CALY: variants seen among roughly 807,000 people sequenced by gnomAD.
CALY encodes neuron-specific vesicular protein calcyon.
A neutral mutation model predicts 20.2 loss-of-function variants in CALY; 15 were observed. That is an observed-to-expected ratio of 0.74 (90% CI 0.50 to 1.14). The LOEUF is 1.14. Ranked by LOEUF, CALY falls within the 50% of genes most tolerant of loss-of-function variation. The pLI is 0.00. For missense variants in CALY, 270 were observed against 304.4 expected, an observed-to-expected ratio of 0.89 and a Z score of 0.84; for synonymous variants, 129 against 131.8, an observed-to-expected ratio of 0.98 and a Z score of 0.15.
chr10:133,331,506 A>C (rs1178743676), intron 1 of CALY, among the ~76,000 whole-genome samples: 1 of 152,230 alleles, frequency 6.6e-6, no homozygotes, highest in Non-Finnish European at 1.5e-5. Context: ...AATTTATTGA[A>C]GTACTCAATT....
intron 1 of CALY, among the ~76,000 whole-genome samples, chr10:133,330,350 CAAAAAAAAAAAAAA>C (rs59986083): frequency 1.1e-4 from 4 of 36,782 alleles, no homozygotes; most frequent in African/African-American, 3.1e-4. Context: ...GAAACTCTGC[CAAAAAAAAAAAAAA>C]AAAAAAAAAA....
chr10:133,330,350 C>CAAA (rs59986083), intron 1 of CALY, among the ~76,000 whole-genome samples: 7 of 36,782 alleles, frequency 1.9e-4, no homozygotes, highest in South Asian at 1.5e-3. Flanking sequence ...GAAACTCTGC[C>CAAA]AAAAAAAAAA....
At chr10:133,326,314 T>G in intron 4 of CALY, 194 bp from the exon 5 acceptor site, 1 of 1,535,940 alleles carries the variant, frequency 6.5e-7, no homozygotes, top group Non-Finnish European at 8.8e-7. Context: ...TCGCGCGTTG[T>G]AAGGGGAGGG....
intron 1 of CALY, among the ~76,000 whole-genome samples, chr10:133,335,934 CA>C (rs1482118528): frequency 6.6e-6 from 1 of 152,168 alleles, no homozygotes; most frequent in African/African-American, 2.4e-5. Flanking sequence ...GGCGGGGGTG[CA>C]GGCTCTCAGT....
At chr10:133,328,700 G>A (rs1430902046) in intron 2 of CALY, among the ~76,000 whole-genome samples, 155 bp downstream of exon 2, 7 of 152,212 alleles carry the variant, frequency 4.6e-5, no homozygotes. Context: ...GTCACACAGA[G>A]TGCCCATGGC....
Position 133,324,282 on chromosome 10 carries a change from C to T in CALY, c.*1313G>A. On this transcript the variant is annotated 3_prime_UTR_variant, in exon 6 of 6. Coordinates refer to ENST00000252939, the MANE Select transcript of CALY (RefSeq NM_015722.4). Reference sequence around the variant, plus strand: ...GTGCATGGCCCTGCCTTCCCTGACCCCACCTGGCTGGCTTCCAGCTCACCA... The same window carrying T: ...GTGCATGGCCCTGCCTTCCCTGACCTCACCTGGCTGGCTTCCAGCTCACCA... 2.2e-6 allele frequency: 1 copy of T among 453,062 alleles called. No homozygotes were observed. The highest frequency in any genetic ancestry group is 4.4e-6 in the Non-Finnish European group (1 of 225,436). 28.1% of individuals were successfully genotyped at this position (453,062 alleles called of 1,614,324 possible).
chr10:133,331,808 G>A (rs1223219560), intron 1 of CALY, among the ~76,000 whole-genome samples: 3 of 152,122 alleles, frequency 2.0e-5, no homozygotes, highest in African/African-American at 4.8e-5. Flanking sequence ...AAGGCAGAGG[G>A]GCAGGAACAC....
At chr10:133,326,653 TC>T (rs932270515) in intron 4 of CALY, among the ~76,000 whole-genome samples, 5 of 152,190 alleles carry the variant, frequency 3.3e-5, no homozygotes, top group African/African-American at 1.2e-4. Context: ...TTCTGCCTCA[TC>T]TTTTTACTTA....
At position 133,324,223 on chromosome 10, in the gene CALY, A is replaced by G. The variant is rs1165162051; in HGVS notation, c.*1372T>C. 2.6e-5 allele frequency: 10 copies of G among 389,908 alleles called. No individual in the cohort carries two copies. Among genetic ancestry groups the G allele is most frequent in the Non-Finnish European group, 4.8e-5 (9 of 189,132 alleles). The allele number at this position is 389,908 out of a possible 1,614,324, so 24.2% of individuals were successfully genotyped here. A position where few individuals can be genotyped will look rare whatever the true frequency, so the allele number is the denominator to read the frequency against. On this transcript the variant is annotated 3_prime_UTR_variant, in exon 6 of 6. Coordinates refer to ENST00000252939, the MANE Select transcript of CALY (RefSeq NM_015722.4). ...CTGCGTGTGCTTGTTCATCTGGCCA[A>G]TGCCCTTAGAAGCCCAGCAGTGAAG...
chr10:133,333,291 G>GA (rs1848343323), intron 1 of CALY, among the ~76,000 whole-genome samples: 1 of 35,460 alleles, frequency 2.8e-5, no homozygotes, highest in Non-Finnish European at 6.4e-5. Flanking sequence ...GATTGAGGGG[G>GA]TGGGGGGGGG....
rs758156862 is a variant in CALY, at chr10:133,326,124, C to T, written c.361-4G>A. ...TCAGCGGCGTGCAGATCTTGTGCTG[C>T]GGGAGGGGCCGGGTCAGGGTCGGTG... On this transcript the variant is annotated splice_region_variant and splice_polypyrimidine_tract_variant and intron_variant, in intron 4 of 5. Coordinates refer to ENST00000252939, the MANE Select transcript of CALY (RefSeq NM_015722.4). The T allele has an allele frequency of 1.1e-5, 18 of 1,592,378 alleles. No homozygotes were observed. Among genetic ancestry groups the T allele is most frequent in the Non-Finnish European group, 1.5e-5 (17 of 1,166,164 alleles).
chr10:133,333,305 A>AGGGG (rs1848346105), intron 1 of CALY, among the ~76,000 whole-genome samples: 1 of 61,950 alleles, frequency 1.6e-5, no homozygotes, highest in African/African-American at 6.4e-5. Context: ...GGGGGGGGGA[A>AGGGG]GGATCCGAGG....
In CALY at chr10:133,326,104, G is replaced by A. The variant is rs1478431135; in HGVS notation, c.377C>T (p.Pro126Leu). The A allele has an allele frequency of 6.3e-7, 1 of 1,596,618 alleles. No homozygotes were observed. The highest frequency in any genetic ancestry group is 1.1e-5 in the South Asian group (1 of 89,868). The change falls in exon 5 of 6, where the codon CCG becomes CTG. Residue 126 changes from proline (P) to leucine (L), a missense_variant. Pro to Leu is a moderately conservative substitution (Grantham distance 98). Transcript: ENST00000252939. ...GFLLRHKICT[P>L]LTLEMYYTEM... ...CGTGTAGTACATCTCCAGGGTCAGC[G>A]GCGTGCAGATCTTGTGCTGCGGGAG... is the stretch of plus-strand genomic sequence containing the variant.
chr10:133,327,427 G>A (rs887442590), intron 3 of CALY: 18 of 502,296 alleles, frequency 3.6e-5, no homozygotes, highest in East Asian at 9.6e-5. Flanking sequence ...GGCCAGGGGC[G>A]GGGAGCCCTA....
chr10:133,325,985 C>G lies in CALY; in HGVS notation c.496G>C (p.Gly166Arg). 6.4e-7 allele frequency: 1 copy of G among 1,556,840 alleles called. No homozygotes were observed. The highest frequency in any genetic ancestry group is 2.4e-5 in the East Asian group (1 of 41,238). The change falls in exon 5 of 6, where the codon GGG (glycine) becomes CGG (arginine). Residue 166 changes from glycine (G) to arginine (R), a missense_variant. Transcript: ENST00000252939. ...TCCTTGGCTGCGCGGTAGCCGTCCC[C>G]CCAGGCCGCCGGCGTCTCCGTGCCG... ...KHGTETPAAW[G>R]DGYRAAKEER...
In CALY at chr10:133,325,582, C is replaced by G. The variant is rs1848188138; in HGVS notation, c.*29-16G>C. On this transcript the variant is annotated splice_polypyrimidine_tract_variant and intron_variant, in intron 5 of 5. Transcript: ENST00000252939. ...GCGGAGGACGCTGCGGAGACAGAGC[C>G]CGAGGGTTGAGAGCGGCGACGCGGC... 1 of 286,802 alleles carries G rather than the reference C, an allele frequency of 3.5e-6. No individual in the cohort carries two copies. The highest frequency in any genetic ancestry group is 6.4e-6 in the Non-Finnish European group (1 of 155,412). 17.8% of individuals were successfully genotyped at this position (286,802 alleles called of 1,614,324 possible).
At chr10:133,335,152 G>C (rs1848416245) in intron 1 of CALY, among the ~76,000 whole-genome samples, 1 of 152,168 alleles carries the variant, frequency 6.6e-6, no homozygotes, top group Admixed American at 6.5e-5. Context: ...AGCCAGCGCC[G>C]GGGCTTGAGG....
At position 133,324,522 on chromosome 10, in the gene CALY, T is replaced by C. The variant is rs1481326495; in HGVS notation, c.*1073A>G. 2 of 347,252 alleles carry C rather than the reference T, an allele frequency of 5.8e-6. No homozygotes were observed. Among genetic ancestry groups the C allele is most frequent in the Admixed American group, 6.4e-5 (2 of 31,208 alleles). The allele number at this position is 347,252 out of a possible 1,614,324, so 21.5% of individuals were successfully genotyped here. A position where few individuals can be genotyped will look rare whatever the true frequency, so the allele number is the denominator to read the frequency against. ...GCTGGGGTGGGCGGGGCTGCAGTGC[T>C]GCAATTGGCTGGGGTGGGCGGGGCT... On this transcript the variant is annotated 3_prime_UTR_variant, in exon 6 of 6. Coordinates refer to ENST00000252939, the MANE Select transcript of CALY (RefSeq NM_015722.4).
intron 1 of CALY, among the ~76,000 whole-genome samples, chr10:133,331,170 G>T (rs1185938132): frequency 1.3e-5 from 2 of 152,166 alleles, no homozygotes; most frequent in Non-Finnish European, 2.9e-5. Context: ...CTGTAACCCG[G>T]TAACAGTGAA....
Sources: gnomAD v4.1 joint callset for allele counts (sites outside exome capture counted in the v4.1 genomes callset) on GRCh38, gnomAD v4.1.1 for gene constraint, MANE v1.5 for transcripts, NCBI Gene and HGNC (gene_info 2026-07-23, HGNC 2026-07-21) for gene names.